The following WNK2 variants were observed in gnomAD, a reference collection of about 807,000 sequenced individuals.
WNK2 encodes the protein WNK lysine deficient protein kinase 2, also known as serine/threonine-protein kinase WNK2.
Under a neutral mutation model 192.1 loss-of-function variants are expected in WNK2, and 67 were observed. The observed-to-expected ratio is 0.35, with a 90% CI of 0.29 to 0.43. The LOEUF is 0.43. WNK2 is among the 20% of genes least tolerant of loss of function. The probability of loss-of-function intolerance (pLI) is 1.00; values close to 1 mark genes in which losing one functional copy is unlikely to be tolerated. For missense variants in WNK2, 2,698 were observed against 3,089.7 expected, an observed-to-expected ratio of 0.87 and a Z score of 3.01; for synonymous variants, 1,439 against 1,393.9, an observed-to-expected ratio of 1.03 and a Z score of -0.72.
chr9:93,298,559 C>T (rs771586593), intron 24 of WNK2, among the ~76,000 whole-genome samples: 2 of 152,214 alleles, frequency 1.3e-5, no homozygotes, highest in African/African-American at 2.4e-5. Flanking sequence ...CACCAGCCCA[C>T]GTCCCTGCAT....
At chr9:93,272,768 C>T (rs962339397) in intron 19 of WNK2, among the ~76,000 whole-genome samples, 3 of 129,408 alleles carry the variant, frequency 2.3e-5, no homozygotes, top group Non-Finnish European at 4.8e-5. Context: ...TCAAATAACC[C>T]GGAAGAGGAA....
At chr9:93,313,650 A>G (rs932611190) in intron 28 of WNK2, among the ~76,000 whole-genome samples, 17 of 152,094 alleles carry the variant, frequency 1.1e-4, no homozygotes, top group African/African-American at 3.4e-4. Context: ...CAATTTTCAT[A>G]TTCTTATATT....
chr9:93,199,091 G>A (rs1226725447), intron 2 of WNK2, among the ~76,000 whole-genome samples: 1 of 152,202 alleles, frequency 6.6e-6, no homozygotes, highest in East Asian at 1.9e-4. Context: ...GTGACTGGAG[G>A]TCCTTGTGTG....
chr9:93,268,489 ACCCTTCCTGGAGAAAAT>A (rs1801734708), intron 18 of WNK2, 121 bp from the exon 19 acceptor site: 1 of 1,354,214 alleles, frequency 7.4e-7, no homozygotes, highest in Admixed American at 2.0e-5. Context: ...CTCTGCCCAC[ACCCTTCCTGGAGAAAAT>A]CCCATAGGTG....
chr9:93,213,929 T>A (rs1372502410), intron 2 of WNK2, among the ~76,000 whole-genome samples: 1 of 152,216 alleles, frequency 6.6e-6, no homozygotes, highest in Non-Finnish European at 1.5e-5. Flanking sequence ...TGAACTCCAT[T>A]TACCCACTCT....
At position 93,256,461 on chromosome 9, in the gene WNK2, G is replaced by A. The variant is rs56137205; in HGVS notation, c.2190+7G>A. ...AGCACCCCCCGGCCAGCAGGTGAGT[G>A]TGGCACCTCCTGTGGCCACTGTCCC... On this transcript the variant is annotated splice_region_variant and intron_variant, in intron 10 of 29. Coordinates refer to ENST00000427277, the MANE Select transcript of WNK2 (RefSeq NM_006648.4). The A allele has an allele frequency of 4.6e-3, 6,922 of 1,517,576 alleles. 276 individuals are homozygous for A. The African/African-American group carries it at 0.084, about 18-fold the overall frequency. 94.0% of individuals were successfully genotyped at this position (1,517,576 alleles called of 1,614,324 possible).
chr9:93,286,640 T>C (rs1295190604), intron 19 of WNK2, among the ~76,000 whole-genome samples: 1 of 152,202 alleles, frequency 6.6e-6, no homozygotes, highest in Non-Finnish European at 1.5e-5. Context: ...TACCGTATGA[T>C]CCAGCAATCC....
At chr9:93,190,233 A>G (rs1231518461) in intron 2 of WNK2, among the ~76,000 whole-genome samples, 3 of 152,140 alleles carry the variant, frequency 2.0e-5, no homozygotes, top group African/African-American at 7.2e-5. Context: ...GTGGGCGCCA[A>G]GCTCTCAGTG....
chr9:93,298,477 C>T (rs10821106), intron 24 of WNK2, among the ~76,000 whole-genome samples: 45,778 of 152,050 alleles, frequency 0.3, 7,081 homozygotes, highest in South Asian at 0.53. Flanking sequence ...GACGGGAGGA[C>T]GGTGATGATC....
intron 19 of WNK2, among the ~76,000 whole-genome samples, chr9:93,283,201 G>A (rs1847980203): frequency 6.6e-6 from 1 of 152,116 alleles, no homozygotes; most frequent in Admixed American, 6.5e-5. Flanking sequence ...GCATATATTG[G>A]ACAGGAGAAA....
intron 2 of WNK2, among the ~76,000 whole-genome samples, chr9:93,228,421 G>C (rs1838177037): frequency 6.6e-6 from 1 of 152,104 alleles, no homozygotes; most frequent in South Asian, 2.1e-4. Context: ...CCCCTTATCT[G>C]TCCAGATTTA....
chr9:93,201,831 C>T (rs1213189626), intron 2 of WNK2, among the ~76,000 whole-genome samples: 4 of 152,218 alleles, frequency 2.6e-5, no homozygotes, highest in African/African-American at 2.4e-5. Flanking sequence ...CCGAGGGGAG[C>T]GAGATGGTGA....
chr9:93,261,473 G>T (rs576768656), intron 12 of WNK2, among the ~76,000 whole-genome samples: 1 of 152,214 alleles, frequency 6.6e-6, no homozygotes, highest in Admixed American at 6.5e-5. Flanking sequence ...GCAGGCTGCC[G>T]CAGGCCCCAG....
rs1431958466 is a variant in WNK2, at chr9:93,256,439, A to AC, written c.2181dup (p.Gly728ArgfsTer196). 2 of 1,526,570 alleles carry AC rather than the reference A, an allele frequency of 1.3e-6. No homozygotes were observed. Among genetic ancestry groups the AC allele is most frequent in the Admixed American group, 2.0e-5 (1 of 50,374 alleles). The allele number at this position is 1,526,570 out of a possible 1,614,324, so 94.6% of individuals were successfully genotyped here. A position where few individuals can be genotyped will look rare whatever the true frequency, so the allele number is the denominator to read the frequency against. On this transcript the variant is annotated frameshift_variant, in exon 10 of 30. Coordinates refer to ENST00000427277, the MANE Select transcript of WNK2 (RefSeq NM_006648.4). LOFTEE classifies it high-confidence loss of function. ...TGCCCACGGGCCCAGGCCAGCCAGC[A>AC]CCCCCCGGCCAGCAGGTGAGTGTGG...
Position 93,195,699 on chromosome 9 carries a change from C to CAAAAAAA in WNK2, c.681+10108_681+10114dup, listed in dbSNP as rs59357990. 6.5e-3 allele frequency among the ~76,000 whole-genome samples: 271 copies of CAAAAAAA among 41,598 alleles called. 25 individuals carry two copies. Among genetic ancestry groups the CAAAAAAA allele is most frequent in the Middle Eastern group, 0.017 (1 of 58 alleles). 27.3% of individuals were successfully genotyped at this position (41,598 alleles called of 152,430 possible). On this transcript the variant is annotated intron_variant, in intron 2 of 29. Transcript: ENST00000427277. ...GGGCAACAGAGTAAAGACTTTGTCT[C>CAAAAAAA]AAAAAAAAAAAAAAAAAAAAAAAAA...
At chr9:93,231,805 C>T (rs1838863116) in intron 4 of WNK2, among the ~76,000 whole-genome samples, 1 of 152,242 alleles carries the variant, frequency 6.6e-6, no homozygotes, top group South Asian at 2.1e-4. Flanking sequence ...CTAGGGGCAG[C>T]TGGCCCGGAG....
intron 2 of WNK2, among the ~76,000 whole-genome samples, chr9:93,225,677 C>T (rs1259633596): frequency 1.3e-5 from 2 of 152,202 alleles, no homozygotes; most frequent in African/African-American, 2.4e-5. Context: ...ATCTTTTACA[C>T]GTTACTGTTG....
At position 93,261,911 on chromosome 9, in the gene WNK2, C is replaced by A. The variant is rs769356906; in HGVS notation, c.3164C>A (p.Pro1055Gln). 1.2e-6 allele frequency: 2 copies of A among 1,607,362 alleles called. No individual in the cohort carries two copies. The highest frequency in any genetic ancestry group is 1.7e-5 in the Admixed American group (1 of 60,002). Residue 1055 changes from proline to glutamine, a missense_variant, in exon 13 of 30, where the codon CCG becomes CAG. This residue lies in a region of WNK2 where 893 missense variants were observed against 909.0 expected (regional missense o/e 0.98). Coordinates refer to ENST00000427277, the MANE Select transcript of WNK2 (RefSeq NM_006648.4). ...GCTGCGGTCCTCTCGCCGCCTCTGCCGGAAGTGCTGCTGCCTGCCGCCCCT... is the reference window on the plus strand; with the variant it reads ...GCTGCGGTCCTCTCGCCGCCTCTGCAGGAAGTGCTGCTGCCTGCCGCCCCT... Reference protein sequence around the residue: ...PPAAVLSPPLPEVLLPAAPEL... With the variant: ...PPAAVLSPPLQEVLLPAAPEL...
chr9:93,232,042 G>A (rs1261729905), intron 4 of WNK2, among the ~76,000 whole-genome samples: 1 of 152,232 alleles, frequency 6.6e-6, no homozygotes, highest in Non-Finnish European at 1.5e-5. Context: ...AAGCCCAGAT[G>A]GCACCCAATC....
Sources: gnomAD v4.1 joint callset for allele counts (sites outside exome capture counted in the v4.1 genomes callset) on GRCh38, gnomAD v4.1.1 for gene constraint, gnomAD v4.1.1 regional missense constraint, MANE v1.5 for transcripts, NCBI Gene and HGNC (gene_info 2026-07-23, HGNC 2026-07-21) for gene names.